HSD17B4: variants seen among roughly 807,000 people sequenced by gnomAD.
The protein encoded by HSD17B4 is peroxisomal multifunctional enzyme type 2.
HSD17B4 carries 70 observed loss-of-function variants against 101.0 expected under a neutral mutation model. That is an observed-to-expected ratio of 0.69 (90% CI 0.57 to 0.85). HSD17B4 has a LOEUF of 0.85. HSD17B4 is among the 40% of genes least tolerant of loss of function. HSD17B4 has a pLI of 0.00. For missense variants in HSD17B4, 984 were observed against 892.4 expected (o/e 1.10, Z -1.31); for synonymous variants, 347 against 297.1 (o/e 1.17, Z -1.73).
intron 2 of HSD17B4, among the ~76,000 whole-genome samples, chr5:119,463,058 T>A (rs1755425358): frequency 6.6e-6 from 1 of 152,240 alleles, no homozygotes. Flanking sequence ...TCTGTACTTC[T>A]GTGAGATCAA....
intron 1 of HSD17B4, among the ~76,000 whole-genome samples, chr5:119,453,701 C>T (rs1277641813): frequency 6.6e-6 from 1 of 152,206 alleles, no homozygotes; most frequent in Admixed American, 6.5e-5. Flanking sequence ...TGCTGCCTTT[C>T]AGAAAATGCT....
intron 11 of HSD17B4, 65 bp from the exon 12 acceptor site, chr5:119,496,478 G>T: frequency 4.6e-6 from 4 of 876,532 alleles, no homozygotes; most frequent in Non-Finnish European, 7.9e-6. Flanking sequence ...GTAGCATATT[G>T]TAGCTTTTCT....
chr5:119,524,353 A>T (rs1198053073), intron 17 of HSD17B4, among the ~76,000 whole-genome samples: 1 of 152,158 alleles, frequency 6.6e-6, no homozygotes, highest in Non-Finnish European at 1.5e-5. Context: ...AAGTAATAAA[A>T]GATCAGTAAT....
chr5:119,515,429 C>A (rs1472717462), intron 17 of HSD17B4, among the ~76,000 whole-genome samples: 4 of 152,064 alleles, frequency 2.6e-5, no homozygotes, highest in Non-Finnish European at 4.4e-5. Context: ...GTCATCCTTT[C>A]CTCTTTGGGA....
Position 119,492,061 on chromosome 5 carries a change from A to C in HSD17B4, c.715-39A>C, listed in dbSNP as rs1389723068. 1.9e-6 allele frequency: 3 copies of C among 1,546,266 alleles called. No individual in the cohort carries two copies. In the African/African-American group the frequency reaches 4.1e-5, roughly 21 times the overall value. On this transcript the variant is annotated intron_variant, in intron 9 of 23. Transcript: ENST00000510025. Reference sequence around the variant, plus strand: ...TTAAAACAATTGTATTAGTGATTTCACATTAGATGGTATAATGTTTTCCCC... The same window carrying C: ...TTAAAACAATTGTATTAGTGATTTCCCATTAGATGGTATAATGTTTTCCCC...
chr5:119,481,538 A>T (rs1242436949), intron 8 of HSD17B4, among the ~76,000 whole-genome samples: 1 of 152,152 alleles, frequency 6.6e-6, no homozygotes, highest in African/African-American at 2.4e-5. Flanking sequence ...AGTCATATAA[A>T]TTTTTTGGTT....
At chr5:119,469,677 T>G (rs534111256) in intron 2 of HSD17B4, among the ~76,000 whole-genome samples, 1 of 152,340 alleles carries the variant, frequency 6.6e-6, no homozygotes, top group East Asian at 1.9e-4. Context: ...TTTCTTTTGT[T>G]CCTACATTGA....
rs1366811402 is a variant in HSD17B4 at position 119,471,687 on chromosome 5, A to G, written c.113-2221A>G. ...TGGAGAAGATCATTTCACAATGCAG[A>G]TTCTTTGTTTCAAGTAATTCTCTTA... On this transcript the variant is annotated intron_variant, in intron 2 of 23. Transcript: ENST00000510025. 9 of 1,464,586 alleles carry G rather than the reference A, an allele frequency of 6.1e-6. No individual in the cohort carries two copies. The African/African-American group carries it at 9.8e-5, about 16-fold the overall frequency. The allele number at this position is 1,464,586 out of a possible 1,614,324, so 90.7% of individuals were successfully genotyped here.
Position 119,493,897 on chromosome 5 carries a change from G to T in HSD17B4, c.819G>T (p.Trp273Cys), listed in dbSNP as rs368744809. ...PMTPEAVKAN[W>C]KKICDFENAS... ...CTCCTGAGGCAGTCAAGGCTAACTGGAAGAAGATCTGTGACTTTGAGAATG... is the reference window on the plus strand; with the variant it reads ...CTCCTGAGGCAGTCAAGGCTAACTGTAAGAAGATCTGTGACTTTGAGAATG... Residue 273 changes from tryptophan to cysteine, a missense_variant, in exon 11 of 24, where the codon TGG becomes TGT. By Grantham distance (215) the Trp-to-Cys change is radical. Coordinates refer to ENST00000510025, the MANE Select transcript of HSD17B4 (RefSeq NM_000414.4). 2.5e-6 allele frequency: 4 copies of T among 1,613,276 alleles called. No individual in the cohort carries two copies. The highest frequency in any genetic ancestry group is 3.4e-6 in the Non-Finnish European group (4 of 1,179,528).
Position 119,531,376 on chromosome 5 carries a change from C to G in HSD17B4, c.1965C>G (p.Thr655=), listed in dbSNP as rs546307544. Residue 655 remains threonine, a synonymous_variant, in exon 22 of 24, where the codon ACC becomes ACG. Coordinates refer to ENST00000510025, the MANE Select transcript of HSD17B4 (RefSeq NM_000414.4). ...ATGCTGTATTTGAGTGGCATATAAC[C>G]AAAGGCGGAAATATTGGGGCTAAGT... is the stretch of plus-strand genomic sequence containing the variant. ...KVNAVFEWHI[T]KGGNIGAKWT... 7 of 1,613,414 alleles carry G rather than the reference C, an allele frequency of 4.3e-6. 1 individual carries two copies. The Admixed American group carries it at 1.2e-4, about 27-fold the overall frequency.
At chr5:119,520,860 C>T (rs980101433) in intron 17 of HSD17B4, among the ~76,000 whole-genome samples, 1 of 152,088 alleles carries the variant, frequency 6.6e-6, no homozygotes, top group Non-Finnish European at 1.5e-5. Flanking sequence ...TGTTCTTTGG[C>T]TTCGTTTCTT....
intron 13 of HSD17B4, among the ~76,000 whole-genome samples, chr5:119,501,249 C>T (rs926198523): frequency 4.6e-5 from 7 of 151,934 alleles, no homozygotes; most frequent in Non-Finnish European, 8.8e-5. Context: ...TTTTTCAAGC[C>T]GTATGACACA....
rs1467261591 is a variant in HSD17B4, at chr5:119,456,271, T to G, written c.59-44T>G. 1.7e-5 allele frequency: 24 copies of G among 1,409,032 alleles called. 1 individual carries two copies. Among genetic ancestry groups the G allele is most frequent in the Non-Finnish European group, 2.2e-5 (22 of 992,992 alleles). 87.3% of individuals were successfully genotyped at this position (1,409,032 alleles called of 1,614,324 possible). A position where few individuals can be genotyped will look rare whatever the true frequency, so the allele number is the denominator to read the frequency against. On this transcript the variant is annotated intron_variant, in intron 1 of 23. Transcript: ENST00000510025. Reference sequence around the variant, plus strand: ...TGAGTTGAGCGGACCAAAAAAATTATGCTGACATTTCTTCAACTTTCTGAT... The same window carrying G: ...TGAGTTGAGCGGACCAAAAAAATTAGGCTGACATTTCTTCAACTTTCTGAT...
chr5:119,468,166 G>C (rs1422409903), intron 2 of HSD17B4, among the ~76,000 whole-genome samples: 1 of 151,878 alleles, frequency 6.6e-6, no homozygotes, highest in African/African-American at 2.4e-5. Flanking sequence ...GATGAAATTG[G>C]ATTCTTTTCT....
intron 4 of HSD17B4, 128 bp downstream of exon 4, chr5:119,474,588 A>G (rs547001273): frequency 8.2e-6 from 6 of 728,526 alleles, no homozygotes; most frequent in Middle Eastern, 3.6e-4. Context: ...AATTTGATTT[A>G]TAAGTTAATT....
intron 12 of HSD17B4, 30 bp downstream of exon 12, chr5:119,496,676 C>G (rs1750679371): frequency 8.3e-7 from 1 of 1,211,166 alleles, no homozygotes; most frequent in Non-Finnish European, 1.2e-6. Context: ...AAAGCGTTTG[C>G]CTTCTCTGGA....
At position 119,484,955 on chromosome 5, in the gene HSD17B4, A is replaced by G. The variant is rs868364262; in HGVS notation, c.623-4237A>G. ...TGAAGAATCATATTATGTGAAAGAT[A>G]TATAATTTATTTGTTTCAAGTATGA... is the stretch of plus-strand genomic sequence containing the variant. On this transcript the variant is annotated intron_variant, in intron 8 of 23. Coordinates refer to ENST00000510025, the MANE Select transcript of HSD17B4 (RefSeq NM_000414.4). 5.3e-5 allele frequency among the ~76,000 whole-genome samples: 8 copies of G among 152,300 alleles called. No homozygotes were observed. The South Asian group carries it at 1.4e-3, about 28-fold the overall frequency.
intron 17 of HSD17B4, among the ~76,000 whole-genome samples, chr5:119,515,249 C>T (rs1057242675): frequency 6.6e-6 from 1 of 151,604 alleles, no homozygotes. Context: ...CCACTAGATA[C>T]CAAAATAAAA....
At chr5:119,524,499 C>T (rs1753398028) in intron 17 of HSD17B4, among the ~76,000 whole-genome samples, 1 of 152,162 alleles carries the variant, frequency 6.6e-6, no homozygotes, top group Non-Finnish European at 1.5e-5. Context: ...ATTAAATACA[C>T]TTACTATTAG....
Sources: allele counts gnomAD v4.1 joint callset (sites outside exome capture counted in the v4.1 genomes callset), GRCh38; gene constraint gnomAD v4.1.1; transcripts MANE v1.5; gene names NCBI Gene and HGNC (gene_info 2026-07-23, HGNC 2026-07-21).